Variants in HDAC4 observed in about 807,000 individuals in gnomAD.
The protein encoded by HDAC4 is histone deacetylase A.
Under a neutral mutation model 135.1 loss-of-function variants are expected in HDAC4, and 16 were observed. The observed-to-expected ratio is 0.12, with a 90% CI of 0.08 to 0.18. The LOEUF is 0.18. Ranked by LOEUF, HDAC4 falls within the 10% of genes least tolerant of loss-of-function variation. The pLI, the probability that HDAC4 is intolerant of heterozygous loss-of-function variation, is 1.00. For missense variants in HDAC4, 1,143 were observed against 1,511.8 expected (o/e 0.76, Z 4.05); for synonymous variants, 685 against 653.4 (o/e 1.05, Z -0.74).
chr2:239,221,621 C>CGG lies in HDAC4; in HGVS notation c.94+14971_94+14972insCC, dbSNP rs1248181786. On this transcript the variant is annotated intron_variant, in intron 3 of 26. Coordinates refer to ENST00000543185, the MANE Select transcript of HDAC4 (RefSeq NM_001378414.1). ...GCGCTGAGAGTGGGACACACACACA[C>CGG]ACACACACACACACACACACACACA... Among the ~76,000 whole-genome samples, 111 of 14,674 alleles carry CGG rather than the reference C, an allele frequency of 7.6e-3. 1 individual carries two copies. The highest frequency in any genetic ancestry group is 0.015 in the African/African-American group (110 of 7,268). The allele number at this position is 14,674 out of a possible 152,430, so 9.6% of individuals were successfully genotyped here.
chr2:239,104,856 C>T (rs752444780), intron 15 of HDAC4, among the ~76,000 whole-genome samples: 4 of 152,236 alleles, frequency 2.6e-5, no homozygotes, highest in Non-Finnish European at 5.9e-5. Flanking sequence ...TAGAATAAGG[C>T]AAAGAAGAAA....
intron 2 of HDAC4, among the ~76,000 whole-genome samples, chr2:239,345,367 G>A (rs1276198714): frequency 6.6e-6 from 1 of 152,064 alleles, no homozygotes; most frequent in Non-Finnish European, 1.5e-5. Flanking sequence ...TGGACAACAT[G>A]GTGAGATTCG....
At chr2:239,218,130 GA>G (rs2046746715) in intron 3 of HDAC4, among the ~76,000 whole-genome samples, 1 of 151,772 alleles carries the variant, frequency 6.6e-6, no homozygotes, top group Non-Finnish European at 1.5e-5. Context: ...AAAATTGGAT[GA>G]AAATTTTAGG....
chr2:239,346,169 C>A (rs1053961278), intron 2 of HDAC4, among the ~76,000 whole-genome samples: 1 of 151,212 alleles, frequency 6.6e-6, no homozygotes, highest in African/African-American at 2.4e-5. Context: ...CACACACTGT[C>A]TAAAACACAC....
intron 1 of HDAC4, among the ~76,000 whole-genome samples, chr2:239,374,593 C>T (rs1426488719): frequency 6.6e-6 from 1 of 150,676 alleles, no homozygotes. Context: ...TTAGTAGAGA[C>T]GGGGTTTCAC....
chr2:239,400,728 C>T lies in HDAC4; in HGVS notation c.-220+250G>A, dbSNP rs2126148223. 1.4e-5 allele frequency: 2 copies of T among 145,490 alleles called. No homozygotes were observed. Among genetic ancestry groups the T allele is most frequent in the South Asian group, 3.9e-4 (2 of 5,090 alleles). The allele number at this position is 145,490 out of a possible 1,614,324, so 9.0% of individuals were successfully genotyped here. A position where few individuals can be genotyped will look rare whatever the true frequency, so the allele number is the denominator to read the frequency against. The stretch of plus-strand genomic sequence containing the variant: ...GCGGCGGCCGGCTCTAGCCCTGCTC[C>T]GGCGCTCCGCGCCGCATCTCCTCAG... On this transcript the variant is annotated intron_variant, in intron 1 of 26. Coordinates refer to ENST00000543185, the MANE Select transcript of HDAC4 (RefSeq NM_001378414.1). This position sits in a 1 kb window ranked among gnomAD's most constrained non-coding sequence, Gnocchi z 4.7.
chr2:239,366,379 G>A (rs1694217068), intron 1 of HDAC4, among the ~76,000 whole-genome samples: 1 of 152,246 alleles, frequency 6.6e-6, no homozygotes, highest in South Asian at 2.1e-4. Flanking sequence ...TTTCTCCATG[G>A]AGGAAAACAG....
chr2:239,075,062 A>G (rs1288019049), intron 22 of HDAC4, among the ~76,000 whole-genome samples: 1 of 146,638 alleles, frequency 6.8e-6, no homozygotes, highest in Non-Finnish European at 1.5e-5. Context: ...TCTCTACTAA[A>G]AAATACAAAA....
rs957021766 is a variant in HDAC4, at chr2:239,309,305, C to T, written c.22+43373G>A. On this transcript the variant is annotated intron_variant, in intron 2 of 26. Coordinates refer to ENST00000543185, the MANE Select transcript of HDAC4 (RefSeq NM_001378414.1). The surrounding 1 kb of genome is among the most constrained non-coding windows in gnomAD (Gnocchi z 4.2). ...GATACGAGAGATCACCACAGTGTTT[C>T]GGCTCGAGAGTCACAAAGAACGCCC... 2.6e-5 allele frequency: 4 copies of T among 152,084 alleles called. No individual in the cohort carries two copies. The highest frequency in any genetic ancestry group is 3.9e-4 in the East Asian group (2 of 5,122). The allele number at this position is 152,084 out of a possible 1,614,324, so 9.4% of individuals were successfully genotyped here.
At chr2:239,237,611 A>G (rs189746720) in intron 2 of HDAC4, among the ~76,000 whole-genome samples, 1 of 152,166 alleles carries the variant, frequency 6.6e-6, no homozygotes, top group African/African-American at 2.4e-5. Flanking sequence ...TTTATCCAAA[A>G]TAGATAATTC....
intron 2 of HDAC4, among the ~76,000 whole-genome samples, chr2:239,275,003 T>G (rs1296481508): frequency 6.6e-6 from 1 of 152,216 alleles, no homozygotes; most frequent in Non-Finnish European, 1.5e-5. Flanking sequence ...GAAGAACAGA[T>G]CAGCGGAGGG....
chr2:239,318,686 G>GAAAA (rs35112686), intron 2 of HDAC4, among the ~76,000 whole-genome samples: 1 of 142,206 alleles, frequency 7.0e-6, no homozygotes, highest in Admixed American at 7.0e-5. Context: ...AAACGATTCT[G>GAAAA]AAAAAAAAAA....
intron 1 of HDAC4, among the ~76,000 whole-genome samples, chr2:239,384,636 G>A (rs773430657): frequency 1.3e-4 from 20 of 151,974 alleles, no homozygotes; most frequent in Non-Finnish European, 2.6e-4. Flanking sequence ...CAAAGGAAAC[G>A]GAAGAAAAGA....
chr2:239,372,774 C>T (rs1360832554), intron 1 of HDAC4, among the ~76,000 whole-genome samples: 2 of 152,212 alleles, frequency 1.3e-5, no homozygotes, highest in Admixed American at 6.5e-5. Context: ...TGGTTGCTGT[C>T]CACACTTCCC....
chr2:239,192,154 T>G (rs1425806996), intron 3 of HDAC4, among the ~76,000 whole-genome samples: 2 of 147,164 alleles, frequency 1.4e-5, no homozygotes, highest in East Asian at 2.0e-4. Flanking sequence ...AAGCAGGGAG[T>G]AGGGGTCCGC....
Position 239,242,813 on chromosome 2 carries a change from A to G in HDAC4, c.23-6149T>C, listed in dbSNP as rs1007699789. On this transcript the variant is annotated intron_variant, in intron 2 of 26. Coordinates refer to ENST00000543185, the MANE Select transcript of HDAC4 (RefSeq NM_001378414.1). Reference sequence around the variant, plus strand: ...ATTAAGGAAGTTCCCATCTACTCCTAGTTTGCCAAGACATATTTTTAAATC... The same window carrying G: ...ATTAAGGAAGTTCCCATCTACTCCTGGTTTGCCAAGACATATTTTTAAATC... 3.3e-5 allele frequency among the ~76,000 whole-genome samples: 5 copies of G among 152,202 alleles called. 1 individual carries two copies. The highest frequency in any genetic ancestry group is 6.3e-3 in the Middle Eastern group (2 of 316).
rs113674281 is a variant in HDAC4 at position 239,115,402 on chromosome 2, G to T, written c.1534-92C>A. On this transcript the variant is annotated intron_variant, in intron 12 of 26. Transcript: ENST00000543185. The surrounding 1 kb of genome is among the most constrained non-coding windows in gnomAD (Gnocchi z 6.3). ...GGGATGCTGCAAACCCCACCCTCTGGGGCAGACAATCAGGGACTCAGGGCA... is the reference window on the plus strand; with the variant it reads ...GGGATGCTGCAAACCCCACCCTCTGTGGCAGACAATCAGGGACTCAGGGCA... The T allele has an allele frequency of 1.8e-5, 27 of 1,526,286 alleles. No homozygotes were observed. Among genetic ancestry groups the T allele is most frequent in the African/African-American group, 1.2e-4 (9 of 73,218 alleles). 94.5% of individuals were successfully genotyped at this position (1,526,286 alleles called of 1,614,324 possible). A position where few individuals can be genotyped will look rare whatever the true frequency, so the allele number is the denominator to read the frequency against.
intron 25 of HDAC4, among the ~76,000 whole-genome samples, 163 bp from the exon 26 acceptor site, chr2:239,053,764 C>A (rs575666114): frequency 6.6e-6 from 1 of 152,316 alleles, no homozygotes; most frequent in South Asian, 2.1e-4. Flanking sequence ...GACTGCATGG[C>A]TACAAACTCA....
intron 2 of HDAC4, among the ~76,000 whole-genome samples, chr2:239,310,809 CA>C (rs902041771): frequency 6.6e-5 from 10 of 152,210 alleles, no homozygotes; most frequent in African/African-American, 2.4e-4. Context: ...CACTTCCCTC[CA>C]AAACAGACAT....
Sources: allele counts gnomAD v4.1 joint callset (sites outside exome capture counted in the v4.1 genomes callset), GRCh38; gene constraint gnomAD v4.1.1; non-coding constraint Gnocchi (gnomAD v3.1); transcripts MANE v1.5; gene names NCBI Gene and HGNC (gene_info 2026-07-23, HGNC 2026-07-21).